The following RYK variants were observed in gnomAD, a reference collection of about 807,000 sequenced individuals.
RYK encodes inactive tyrosine-protein kinase RYK.
Under a neutral mutation model 70.2 loss-of-function variants are expected in RYK, and 21 were observed. The observed-to-expected ratio is 0.30, with a 90% CI of 0.21 to 0.43. The LOEUF is 0.43. Among genes scored for constraint, RYK ranks in the 20% least tolerant of loss-of-function variants. The pLI, the probability that RYK is intolerant of heterozygous loss-of-function variation, is 1.00. For missense variants in RYK, 604 were observed against 753.3 expected (o/e 0.80, Z 2.32); for synonymous variants, 267 against 278.0 (o/e 0.96, Z 0.39).
chr3:134,246,452 A>G (rs2015471223), intron 1 of RYK, among the ~76,000 whole-genome samples: 1 of 151,914 alleles, frequency 6.6e-6, no homozygotes, highest in East Asian at 1.9e-4. Context: ...TACAAGAAAG[A>G]AAAGGAAGAA....
intron 13 of RYK, among the ~76,000 whole-genome samples, chr3:134,168,172 G>A (rs2012754140): frequency 6.6e-6 from 1 of 152,172 alleles, no homozygotes; most frequent in African/African-American, 2.4e-5. Flanking sequence ...CACTGTTGGT[G>A]GGACTGTAAA....
intron 1 of RYK, among the ~76,000 whole-genome samples, chr3:134,223,503 T>C (rs1446808530): frequency 6.6e-6 from 1 of 152,118 alleles, no homozygotes; most frequent in African/African-American, 2.4e-5. Context: ...ATGTACTAAA[T>C]TCTAGCTCAA....
rs757955889 is a variant in RYK at position 134,175,621 on chromosome 3, G to A, written c.1563C>T (p.Ser521=). ...TCCCGGCACTTACCACATCACTAGCGCTAGAGAACTCGTTATTAACCAGAC... is the reference window on the plus strand; with the variant it reads ...TCCCGGCACTTACCACATCACTAGCACTAGAGAACTCGTTATTAACCAGAC... ...LESLVNNEFS[S]ASDVWAFGVT... Residue 521 remains serine (S), a synonymous_variant, in exon 13 of 15, where the codon AGC becomes AGT. Transcript: ENST00000623711. 9.9e-6 allele frequency: 16 copies of A among 1,613,644 alleles called. No homozygotes were observed. The highest frequency in any genetic ancestry group is 6.6e-5 in the South Asian group (6 of 91,066).
At chr3:134,205,026 C>T (rs1401620181) in intron 5 of RYK, among the ~76,000 whole-genome samples, 2 of 152,112 alleles carry the variant, frequency 1.3e-5, no homozygotes, top group Non-Finnish European at 2.9e-5. Context: ...ACACAGTCAA[C>T]ATACCTTACT....
At chr3:134,234,657 G>C (rs1015543203) in intron 1 of RYK, among the ~76,000 whole-genome samples, 1 of 152,090 alleles carries the variant, frequency 6.6e-6, no homozygotes, top group Non-Finnish European at 1.5e-5. Flanking sequence ...ATAGTACTCA[G>C]AAGGCCTCAG....
At position 134,237,622 on chromosome 3, in the gene RYK, T is replaced by C. The variant is rs572526923; in HGVS notation, c.232+12801A>G. Among the ~76,000 whole-genome samples the C allele has an allele frequency of 1.5e-4, 23 of 152,350 alleles. No homozygotes were observed. The South Asian group carries it at 4.3e-3, about 29-fold the overall frequency. On this transcript the variant is annotated intron_variant, in intron 1 of 14. Transcript: ENST00000623711. The stretch of plus-strand genomic sequence containing the variant: ...TTCACAGTTCTTACTTCCCTTCCCC[T>C]GGCTTCACCAGTAGGTAGCTGAATG...
intron 2 of RYK, among the ~76,000 whole-genome samples, chr3:134,215,146 A>G (rs1422090435): frequency 6.6e-6 from 1 of 152,184 alleles, no homozygotes; most frequent in Non-Finnish European, 1.5e-5. Flanking sequence ...TATCACAAGG[A>G]GAGAAGGAGC....
intron 13 of RYK, among the ~76,000 whole-genome samples, chr3:134,164,356 A>G (rs1319750221): frequency 1.3e-5 from 2 of 152,228 alleles, no homozygotes; most frequent in Non-Finnish European, 2.9e-5. Flanking sequence ...CACAACCAAG[A>G]TAAGGAGCAT....
rs566958621 is a variant in RYK at position 134,186,178 on chromosome 3, T to A, written c.1102+2659A>T. On this transcript the variant is annotated intron_variant, in intron 9 of 14. Coordinates refer to ENST00000623711, the MANE Select transcript of RYK (RefSeq NM_002958.4). The stretch of plus-strand genomic sequence containing the variant: ...TTAATACCAGTAAATCCAAACTGAT[T>A]CATTTATTTTATGGAATTCAATTTC... Among the ~76,000 whole-genome samples, 47 of 152,340 alleles carry A rather than the reference T, an allele frequency of 3.1e-4. No individual in the cohort carries two copies. The South Asian group carries it at 7.3e-3, about 24-fold the overall frequency.
intron 13 of RYK, among the ~76,000 whole-genome samples, chr3:134,172,249 A>T (rs1050999316): frequency 2.6e-5 from 4 of 152,240 alleles, no homozygotes; most frequent in Middle Eastern, 3.2e-3. Flanking sequence ...AAACACTAAG[A>T]AAAGTTTACT....
chr3:134,214,977 A>G (rs1269488058), intron 2 of RYK, among the ~76,000 whole-genome samples: 1 of 152,078 alleles, frequency 6.6e-6, no homozygotes, highest in Non-Finnish European at 1.5e-5. Context: ...TTAATCGTCA[A>G]TTTCTCTCAC....
At position 134,211,527 on chromosome 3, in the gene RYK, T is replaced by C. The variant is rs2014392107; in HGVS notation, c.435A>G (p.Glu145=). The C allele has an allele frequency of 3.7e-6, 6 of 1,612,884 alleles. No individual in the cohort carries two copies. The South Asian group carries it at 5.5e-5, about 15-fold the overall frequency. Residue 145 remains glutamate (E), a synonymous_variant, in exon 3 of 15, where the codon GAA becomes GAG. Transcript: ENST00000623711. ...MPQVNISVQG[E]VPRTLSVFRV... Reference sequence around the variant, plus strand: ...ACTTACCTGATAAAGTGCGTGGAACTTCCCCCTGAACAGAAATGTTGACCT... The same window carrying C: ...ACTTACCTGATAAAGTGCGTGGAACCTCCCCCTGAACAGAAATGTTGACCT...
chr3:134,233,358 T>C (rs538159823), intron 1 of RYK, among the ~76,000 whole-genome samples: 35 of 152,340 alleles, frequency 2.3e-4, no homozygotes, highest in Non-Finnish European at 4.3e-4. Context: ...GAAATGTTTA[T>C]ATTATTTAAA....
intron 1 of RYK, among the ~76,000 whole-genome samples, chr3:134,227,673 T>TA (rs1276515100): frequency 1.3e-5 from 2 of 151,986 alleles, no homozygotes; most frequent in Non-Finnish European, 2.9e-5. Flanking sequence ...TGGAGGTTCT[T>TA]TTTTTATTTT....
rs144606046 is a variant in RYK at position 134,187,773 on chromosome 3, C to T, written c.1102+1064G>A. 4.3e-4 allele frequency among the ~76,000 whole-genome samples: 65 copies of T among 150,852 alleles called. 2 individuals carry two copies. The highest frequency in any genetic ancestry group is 1.5e-3 in the African/African-American group (62 of 41,008). ...GGGGGTCTTGCTATATCGCCCAGGC[C>T]GATCTTGAACTTATGGACTCAAGCA... On this transcript the variant is annotated intron_variant, in intron 9 of 14. Coordinates refer to ENST00000623711, the MANE Select transcript of RYK (RefSeq NM_002958.4).
chr3:134,161,911 A>T (rs553616229), intron 13 of RYK, among the ~76,000 whole-genome samples: 1 of 151,154 alleles, frequency 6.6e-6, no homozygotes, highest in Non-Finnish European at 1.5e-5. Flanking sequence ...TTATTGTCCC[A>T]CTGCTCTGAT....
chr3:134,209,928 G>T, intron 3 of RYK, 99 bp from the exon 4 acceptor site: 1 of 984,288 alleles, frequency 1.0e-6, no homozygotes, highest in Non-Finnish European at 1.5e-6. Context: ...ACTTATTTTT[G>T]CTGCAAGAAA....
intron 1 of RYK, among the ~76,000 whole-genome samples, chr3:134,229,236 C>T (rs2014989896): frequency 6.6e-6 from 1 of 152,042 alleles, no homozygotes; most frequent in Non-Finnish European, 1.5e-5. Flanking sequence ...TGCTCTCTGG[C>T]TCCCTCGCCC....
chr3:134,175,694 C>T lies in RYK; in HGVS notation c.1490G>A (p.Cys497Tyr). 6.2e-7 allele frequency: 1 copy of T among 1,613,830 alleles called. No individual in the cohort carries two copies. Among genetic ancestry groups the T allele is most frequent in the Non-Finnish European group, 8.5e-7 (1 of 1,179,778 alleles). ...SRDLFPMDYH[C>Y]LGDNENRPVR... ...TGGCCTGTTTTCATTGTCCCCCAGA[C>T]AGTGATAGTCCATGGGGAACAAGTC... Residue 497 changes from cysteine to tyrosine, a missense_variant, in exon 13 of 15, where the codon TGT (cysteine) becomes TAT (tyrosine). Cys to Tyr is a radical substitution (Grantham distance 194, BLOSUM62 -2). Transcript: ENST00000623711.
Sources: gnomAD v4.1 joint callset for allele counts (sites outside exome capture counted in the v4.1 genomes callset) on GRCh38, gnomAD v4.1.1 for gene constraint, MANE v1.5 for transcripts, NCBI Gene and HGNC (gene_info 2026-07-23, HGNC 2026-07-21) for gene names.